The following CSMD1 variants were observed in gnomAD, a reference collection of about 807,000 sequenced individuals.
The protein encoded by CSMD1 is CUB and sushi domain-containing protein 1.
Under a neutral mutation model 417.5 loss-of-function variants are expected in CSMD1, and 213 were observed. That is an observed-to-expected ratio of 0.51 (90% CI 0.46 to 0.57). The LOEUF (loss-of-function observed/expected upper bound fraction) is 0.57, where lower values mean the gene tolerates loss of function less well. Ranked by LOEUF, CSMD1 falls within the 20% of genes least tolerant of loss-of-function variation. CSMD1 has a pLI of 0.00. For synonymous variants in CSMD1, 2,862 were observed against 1,736.8 expected, an observed-to-expected ratio of 1.65 and a Z score of -16.11; for missense variants, 6,923 against 4,529.7, an observed-to-expected ratio of 1.53 and a Z score of -15.17.
intron 1 of CSMD1, among the ~76,000 whole-genome samples, chr8:4,856,469 G>T (rs1163093714): frequency 7.1e-6 from 1 of 140,074 alleles, no homozygotes; most frequent in African/African-American, 2.9e-5. Context: ...ACACAGACTG[G>T]CAAATTGGAT....
intron 12 of CSMD1, among the ~76,000 whole-genome samples, chr8:3,450,707 T>G (rs559470387): frequency 4.7e-4 from 71 of 152,122 alleles, no homozygotes; most frequent in Non-Finnish European, 8.4e-4. Flanking sequence ...CTTAATCCAG[T>G]CTATCATTGT....
chr8:3,214,727 G>C (rs920550389), intron 29 of CSMD1, 36 bp from the exon 30 acceptor site: 1 of 1,491,188 alleles, frequency 6.7e-7, no homozygotes. Flanking sequence ...CATGAGAGCA[G>C]GGATCTTATT....
At chr8:3,014,176 G>A (rs141988789) in intron 52 of CSMD1, among the ~76,000 whole-genome samples, 2 of 141,188 alleles carry the variant, frequency 1.4e-5, no homozygotes, top group East Asian at 2.1e-4. Context: ...TGCCCTGATC[G>A]AAGATAGGAA....
Position 3,407,920 on chromosome 8 carries a change from C to G in CSMD1, c.2050G>C (p.Gly684Arg). ...TTACTGGTGTAAGTGATGTTGAACC[C>G]TCTGCCAGTAGTGGAATGGTCAGAC... ...FQSDHSTTGR[G>R]FNITYTTFGQ... Residue 684 changes from glycine to arginine, a missense_variant, in exon 14 of 70, where the codon GGG becomes CGG. Physicochemically the swap from Gly to Arg is moderately radical, Grantham distance 125 (BLOSUM62 -2). Transcript: ENST00000635120. 1 of 1,611,264 alleles carries G rather than the reference C, an allele frequency of 6.2e-7. No individual in the cohort carries two copies. Among genetic ancestry groups the G allele is most frequent in the Non-Finnish European group, 8.5e-7 (1 of 1,178,136 alleles).
chr8:3,403,951 GC>G (rs1354977183), intron 15 of CSMD1, among the ~76,000 whole-genome samples: 5 of 152,108 alleles, frequency 3.3e-5, no homozygotes, highest in Middle Eastern at 3.2e-3. Context: ...GGGTTTTGTT[GC>G]CCTTCTATTT....
chr8:3,344,789 G>A (rs76251785), intron 22 of CSMD1, among the ~76,000 whole-genome samples: 1,744 of 152,228 alleles, frequency 0.011, 40 homozygotes, highest in African/African-American at 0.04. Context: ...TAGATACTCA[G>A]AAAAGGAGAA....
At chr8:3,415,106 C>T (rs1813047932) in intron 12 of CSMD1, among the ~76,000 whole-genome samples, 1 of 152,144 alleles carries the variant, frequency 6.6e-6, no homozygotes, top group South Asian at 2.1e-4. Flanking sequence ...TATTCGCACT[C>T]ACATTTACAT....
intron 3 of CSMD1, among the ~76,000 whole-genome samples, chr8:4,219,798 T>C (rs1207460827): frequency 6.6e-6 from 1 of 152,232 alleles, no homozygotes; most frequent in Non-Finnish European, 1.5e-5. Flanking sequence ...CATTATGTAT[T>C]AATGTCTTAC....
intron 3 of CSMD1, among the ~76,000 whole-genome samples, chr8:4,309,209 G>C (rs1563429813): frequency 2.0e-5 from 3 of 152,206 alleles, no homozygotes; most frequent in South Asian, 2.1e-4. Flanking sequence ...CCTAGGGTCA[G>C]TTTGATATTA....
At chr8:3,496,637 C>A (rs1796376652) in intron 10 of CSMD1, among the ~76,000 whole-genome samples, 1 of 152,198 alleles carries the variant, frequency 6.6e-6, no homozygotes, top group African/African-American at 2.4e-5. Context: ...ACCAGCTTGG[C>A]AAACAGAGTG....
Position 3,179,141 on chromosome 8 carries a change from T to G in CSMD1, c.5725+1969A>C, listed in dbSNP as rs552715245. On this transcript the variant is annotated intron_variant, in intron 37 of 69. Transcript: ENST00000635120. ...TTTGTATTTTTAGTAGATACGGGGT[T>G]TCAACGTGTTAGCCAGGACTGTCTC... Among the ~76,000 whole-genome samples the G allele has an allele frequency of 1.1e-4, 17 of 151,172 alleles. No homozygotes were observed. In the South Asian group the frequency reaches 1.9e-3, roughly 17 times the overall value.
intron 8 of CSMD1, among the ~76,000 whole-genome samples, chr8:3,615,824 TTTTA>T (rs1340093445): frequency 6.6e-6 from 1 of 152,194 alleles, no homozygotes; most frequent in African/African-American, 2.4e-5. Flanking sequence ...CTCTTTACTA[TTTTA>T]TTTTACAGCT....
intron 54 of CSMD1, among the ~76,000 whole-genome samples, chr8:2,993,114 G>A (rs994654677): frequency 1.3e-5 from 2 of 152,170 alleles, no homozygotes; most frequent in African/African-American, 4.8e-5. Context: ...CAGTACTTGT[G>A]AATCCCAAAG....
At chr8:3,485,416 T>C (rs1817969122) in intron 11 of CSMD1, among the ~76,000 whole-genome samples, 1 of 151,996 alleles carries the variant, frequency 6.6e-6, no homozygotes, top group South Asian at 2.1e-4. Context: ...TTGGCTATGA[T>C]TATTAAGGAA....
chr8:3,266,239 C>T (rs569822244), intron 26 of CSMD1, among the ~76,000 whole-genome samples: 1 of 150,986 alleles, frequency 6.6e-6, no homozygotes, highest in African/African-American at 2.4e-5. Flanking sequence ...CCGGGATGAT[C>T]ATGAAAACCT....
chr8:4,181,852 A>G (rs1002762585), intron 3 of CSMD1, among the ~76,000 whole-genome samples: 4 of 152,200 alleles, frequency 2.6e-5, no homozygotes, highest in African/African-American at 9.6e-5. Flanking sequence ...AAAATGATAA[A>G]TTCTCCTTTA....
intron 5 of CSMD1, among the ~76,000 whole-genome samples, chr8:3,792,460 G>C (rs1383102923): frequency 6.6e-6 from 1 of 152,162 alleles, no homozygotes; most frequent in East Asian, 1.9e-4. Flanking sequence ...TGAGGACGGA[G>C]AGCTTACTTT....
chr8:4,830,804 G>C (rs376002324), intron 1 of CSMD1, among the ~76,000 whole-genome samples: 2 of 152,150 alleles, frequency 1.3e-5, no homozygotes, highest in African/African-American at 4.8e-5. Flanking sequence ...CCTACTGTGA[G>C]GTTAATGTGG....
chr8:4,363,048 G>T (rs1361456888), intron 3 of CSMD1, among the ~76,000 whole-genome samples: 1 of 152,136 alleles, frequency 6.6e-6, no homozygotes, highest in Non-Finnish European at 1.5e-5. Flanking sequence ...CTACGGAAGG[G>T]AGAAAATTGA....
Sources: gnomAD v4.1 joint callset for allele counts (sites outside exome capture counted in the v4.1 genomes callset) on GRCh38, gnomAD v4.1.1 for gene constraint, MANE v1.5 for transcripts, NCBI Gene and HGNC (gene_info 2026-07-23, HGNC 2026-07-21) for gene names.